The following EPB41 variants were observed in gnomAD, a reference collection of about 807,000 sequenced individuals.
EPB41 encodes the protein protein 4.1.
A neutral mutation model predicts 108.0 loss-of-function variants in EPB41; 65 were observed. The ratio of observed to expected loss-of-function variants is 0.60; its 90% CI spans 0.49 to 0.74. EPB41 has a LOEUF of 0.74. Among genes scored for constraint, EPB41 ranks in the 30% least tolerant of loss-of-function variants. The pLI is 0.00. For missense variants in EPB41, 875 were observed against 1,037.0 expected (o/e 0.84, Z 2.15); for synonymous variants, 336 against 358.9 (o/e 0.94, Z 0.72).
At chr1:29,034,876 C>CA in intron 9 of EPB41, among the ~76,000 whole-genome samples, 1 of 149,814 alleles carries the variant, frequency 6.7e-6, no homozygotes. Context: ...TTTCTCACCA[C>CA]AAAAAAATAA....
rs181171243 is a variant in EPB41 at position 28,964,328 on chromosome 1, G to A, written c.-7-23103G>A. Among the ~76,000 whole-genome samples, 51 of 152,260 alleles carry A rather than the reference G, an allele frequency of 3.3e-4. No homozygotes were observed. The Middle Eastern group carries it at 0.01, about 30-fold the overall frequency. ...ATGTGGTGGTGCGCCTGTAGTCCCA[G>A]CTACTCAGGAGGCTGAGGCAGGAGA... On this transcript the variant is annotated intron_variant, in intron 1 of 20. Transcript: ENST00000343067.
chr1:29,033,442 A>G (rs140884979), intron 9 of EPB41, among the ~76,000 whole-genome samples, 197 bp downstream of exon 9: 196 of 152,262 alleles, frequency 1.3e-3, no homozygotes, highest in African/African-American at 4.5e-3. Context: ...TGGACATTTC[A>G]CTTTTTGTAA....
intron 16 of EPB41, among the ~76,000 whole-genome samples, chr1:29,067,263 C>T (rs1324660169): frequency 2.7e-5 from 4 of 150,588 alleles, no homozygotes; most frequent in Non-Finnish European, 4.4e-5. Context: ...TTTGGGAGGC[C>T]GAGGCGGGTG....
intron 7 of EPB41, among the ~76,000 whole-genome samples, chr1:29,026,294 G>T (rs140666630): frequency 5.9e-4 from 90 of 152,312 alleles, no homozygotes; most frequent in Non-Finnish European, 1.1e-3. Flanking sequence ...ATTATGGAAA[G>T]GGAGAAACTA....
At chr1:28,957,272 T>C (rs2094993348) in intron 1 of EPB41, among the ~76,000 whole-genome samples, 1 of 152,280 alleles carries the variant, frequency 6.6e-6, no homozygotes, top group Non-Finnish European at 1.5e-5. Flanking sequence ...GGCATCTTCA[T>C]GGGGATGCCC....
intron 1 of EPB41, among the ~76,000 whole-genome samples, chr1:28,974,800 GTT>G (rs548377174): frequency 1.4e-5 from 2 of 143,848 alleles, no homozygotes; most frequent in African/African-American, 2.5e-5. Flanking sequence ...TTTTGTTTTT[GTT>G]TTTTTTTTTT....
intron 17 of EPB41, among the ~76,000 whole-genome samples, chr1:29,106,957 G>C (rs546505015): frequency 1.3e-5 from 2 of 151,838 alleles, no homozygotes; most frequent in Admixed American, 1.3e-4. Context: ...GCTGAGGAGG[G>C]TGGATCACCT....
chr1:29,099,357 C>T (rs1170553738), intron 17 of EPB41, among the ~76,000 whole-genome samples: 1 of 151,798 alleles, frequency 6.6e-6, no homozygotes, highest in Admixed American at 6.6e-5. Context: ...AAGGGTCTCA[C>T]TCTGTTGCCC....
intron 1 of EPB41, among the ~76,000 whole-genome samples, chr1:28,940,970 T>C (rs1351580668): frequency 6.6e-6 from 1 of 152,164 alleles, no homozygotes; most frequent in Non-Finnish European, 1.5e-5. Flanking sequence ...CCTTGAGGTA[T>C]AGGGTATGGA....
intron 2 of EPB41, 71 bp from the exon 3 acceptor site, chr1:28,993,259 A>G (rs553081272): frequency 5.1e-6 from 6 of 1,171,462 alleles, no homozygotes; most frequent in Non-Finnish European, 7.7e-6. Context: ...AGATTATTAT[A>G]GGTAAAAGCA....
rs896979732 is a variant in EPB41, at chr1:29,115,628, A to G, written c.2497-71A>G. 7.7e-7 allele frequency: 1 copy of G among 1,297,826 alleles called. No individual in the cohort carries two copies. The highest frequency in any genetic ancestry group is 2.3e-5 in the East Asian group (1 of 43,134). 80.4% of individuals were successfully genotyped at this position (1,297,826 alleles called of 1,614,324 possible). Reference sequence around the variant, plus strand: ...TTGGATCTGTCAGAACATCAGAGAAATGATGACCACTGCCTTCCTTCGCCA... The same window carrying G: ...TTGGATCTGTCAGAACATCAGAGAAGTGATGACCACTGCCTTCCTTCGCCA... On this transcript the variant is annotated intron_variant, in intron 19 of 20. Transcript: ENST00000343067. This position sits in a 1 kb window ranked among gnomAD's most constrained non-coding sequence, Gnocchi z 4.4.
At chr1:29,085,819 T>C (rs1658650748) in intron 16 of EPB41, among the ~76,000 whole-genome samples, 2 of 152,210 alleles carry the variant, frequency 1.3e-5, no homozygotes. Context: ...CCCAAAGTGC[T>C]GGGATTAAAG....
intron 14 of EPB41, 146 bp downstream of exon 14, chr1:29,058,998 G>A: frequency 1.2e-6 from 1 of 820,766 alleles, no homozygotes; most frequent in Non-Finnish European, 2.0e-6. Context: ...ATATGGGCCA[G>A]GAGCATTGGC....
At chr1:28,926,138 A>C (rs1035606731) in intron 1 of EPB41, among the ~76,000 whole-genome samples, 10 of 152,024 alleles carry the variant, frequency 6.6e-5, no homozygotes, top group African/African-American at 2.2e-4. Context: ...TGAAGTCAGA[A>C]GTTCGAGGCC....
intron 5 of EPB41, among the ~76,000 whole-genome samples, chr1:29,014,198 T>A (rs2096547363): frequency 6.6e-6 from 1 of 151,880 alleles, no homozygotes; most frequent in African/African-American, 2.4e-5. Context: ...GCACCTGTAA[T>A]CCCAGCTACT....
At chr1:29,027,917 C>T (rs1229459907) in intron 7 of EPB41, among the ~76,000 whole-genome samples, 55 of 152,056 alleles carry the variant, frequency 3.6e-4, no homozygotes, top group Admixed American at 3.6e-3. Context: ...CTCTGCCTCC[C>T]AGGTTCAAGT....
At chr1:29,051,088 G>GTTTTTTTTTT in intron 11 of EPB41, among the ~76,000 whole-genome samples, 1 of 51,578 alleles carries the variant, frequency 1.9e-5, no homozygotes, top group Non-Finnish European at 3.2e-5. Flanking sequence ...TTCTTTTTCT[G>GTTTTTTTTTT]TTTTTTTTTT....
rs72508794 is a variant in EPB41, at chr1:29,018,496, A to ATT, written c.1124+54_1124+55insTT. 7.8e-7 allele frequency: 1 copy of ATT among 1,285,270 alleles called. No individual in the cohort carries two copies. Among genetic ancestry groups the ATT allele is most frequent in the Non-Finnish European group, 1.1e-6 (1 of 949,136 alleles). 79.6% of individuals were successfully genotyped at this position (1,285,270 alleles called of 1,614,324 possible). ...GTTTGTTTTGGCGATTAGTTTAAAC[A>ATT]CAACATGGTATTGGTTCATTGTTTG... is the stretch of plus-strand genomic sequence containing the variant. On this transcript the variant is annotated intron_variant, in intron 7 of 20. Transcript: ENST00000343067. The surrounding 1 kb of genome is among the most constrained non-coding windows in gnomAD (Gnocchi z 4.4).
chr1:29,114,558 G>A (rs1318248742), intron 19 of EPB41, among the ~76,000 whole-genome samples: 1 of 148,456 alleles, frequency 6.7e-6, no homozygotes, highest in African/African-American at 2.5e-5. Context: ...CACAAGAATC[G>A]CTTGAACCCA....
Sources: allele counts gnomAD v4.1 joint callset (sites outside exome capture counted in the v4.1 genomes callset), GRCh38; gene constraint gnomAD v4.1.1; non-coding constraint Gnocchi (gnomAD v3.1); transcripts MANE v1.5; gene names NCBI Gene and HGNC (gene_info 2026-07-23, HGNC 2026-07-21).